NLRP5: variants seen among roughly 807,000 people sequenced by gnomAD.
NLRP5 encodes the protein NACHT, LRR and PYD domains-containing protein 5.
Under a neutral mutation model 113.1 loss-of-function variants are expected in NLRP5, and 93 were observed. The ratio of observed to expected loss-of-function variants is 0.82; its 90% CI spans 0.70 to 0.98. The LOEUF (loss-of-function observed/expected upper bound fraction) is 0.98. Ranked by LOEUF, NLRP5 falls within the 50% of genes least tolerant of loss-of-function variation. The probability of loss-of-function intolerance (pLI) is 0.00; values close to 1 mark genes in which losing one functional copy is unlikely to be tolerated. For missense variants in NLRP5, 1,808 were observed against 1,514.3 expected (o/e 1.19, Z -3.22); for synonymous variants, 751 against 600.7 (o/e 1.25, Z -3.66).
intron 12 of NLRP5, among the ~76,000 whole-genome samples, chr19:56,052,842 G>A (rs1983981065): frequency 6.6e-6 from 1 of 152,138 alleles, no homozygotes; most frequent in Admixed American, 6.5e-5. Context: ...CTCCATCTTG[G>A]CTCTGTCAGA....
rs1203071384 is a variant in NLRP5 at position 56,019,387 on chromosome 19, C to T, written c.611C>T (p.Thr204Ile). The change falls in exon 5 of 15, where the codon ACA (threonine) becomes ATA (isoleucine). Residue 204 changes from threonine (T) to isoleucine (I), a missense_variant. Thr to Ile is a moderately conservative substitution (Grantham distance 89). Transcript: ENST00000390649. The stretch of plus-strand genomic sequence containing the variant: ...CAAGAAGGTGCCACAGCAGCAGAGA[C>T]AGAAGAACAAGGTGAGGAAAATAGA... 38 of 1,613,872 alleles carry T rather than the reference C, an allele frequency of 2.4e-5. No individual in the cohort carries two copies. Among genetic ancestry groups the T allele is most frequent in the Admixed American group, 5.0e-5 (3 of 59,984 alleles).
chr19:56,056,402 TAA>T (rs1984153581), intron 13 of NLRP5, among the ~76,000 whole-genome samples: 1 of 151,888 alleles, frequency 6.6e-6, no homozygotes, highest in Non-Finnish European at 1.5e-5. Flanking sequence ...ACTAAAAATA[TAA>T]AAGTTAGCCG....
chr19:56,058,012 G>A (rs1407346093), intron 13 of NLRP5, among the ~76,000 whole-genome samples: 6 of 144,418 alleles, frequency 4.2e-5, no homozygotes, highest in African/African-American at 1.6e-4. Context: ...TGGGCAACAA[G>A]AGTGAAATGC....
chr19:56,004,876 T>C (rs1981793886), intron 2 of NLRP5, among the ~76,000 whole-genome samples: 1 of 151,834 alleles, frequency 6.6e-6, no homozygotes, highest in Non-Finnish European at 1.5e-5. Flanking sequence ...GTGGATCACC[T>C]GAGGTCAAGA....
At chr19:56,017,048 C>T (rs560734400) in intron 4 of NLRP5, among the ~76,000 whole-genome samples, 2 of 152,234 alleles carry the variant, frequency 1.3e-5, no homozygotes, top group South Asian at 4.1e-4. Context: ...ACCTCGTGAT[C>T]CGCCCGCCTC....
intron 2 of NLRP5, among the ~76,000 whole-genome samples, chr19:56,004,840 C>T (rs1981792473): frequency 6.6e-6 from 1 of 151,922 alleles, no homozygotes; most frequent in Admixed American, 6.6e-5. Flanking sequence ...TGGCTGTGAT[C>T]CCAGCACTTT....
At chr19:56,043,539 A>ATTT (rs1568498691) in intron 11 of NLRP5, among the ~76,000 whole-genome samples, 2 of 27,030 alleles carry the variant, frequency 7.4e-5, no homozygotes, top group East Asian at 2.4e-3. Context: ...TTACTCTGCT[A>ATTT]TTCTTTTTTT....
upstream of NLRP5, among the ~76,000 whole-genome samples, chr19:55,998,138 C>A (rs532595858): frequency 2.6e-5 from 4 of 152,022 alleles, 1 homozygote; most frequent in African/African-American, 9.6e-5. Context: ...AGTAGGAATT[C>A]CAAAGATTGG....
At chr19:56,013,721 T>C (rs551955994) in intron 3 of NLRP5, among the ~76,000 whole-genome samples, 3 of 150,770 alleles carry the variant, frequency 2.0e-5, no homozygotes, top group Non-Finnish European at 4.4e-5. Flanking sequence ...GTGGGTCATA[T>C]GGCAACTGTG....
intron 14 of NLRP5, among the ~76,000 whole-genome samples, chr19:56,061,066 G>C (rs1984335274): frequency 6.6e-6 from 1 of 152,188 alleles, no homozygotes; most frequent in Non-Finnish European, 1.5e-5. Context: ...TTTAGGGAGA[G>C]TTAGTATAAA....
In NLRP5 at chr19:56,027,836, G is replaced by T. The variant is rs1181609495; in HGVS notation, c.1603G>T (p.Ala535Ser). Residue 535 changes from alanine to serine, a missense_variant, in exon 7 of 15, where the codon GCT (alanine) becomes TCT (serine). Transcript: ENST00000390649. The stretch of plus-strand genomic sequence containing the variant: ...TGTCCTGAAGCGCTTCTGCCGTATG[G>T]CTGTGGAGGGAGTGTGGAATAGGAA... The T allele has an allele frequency of 6.2e-7, 1 of 1,614,008 alleles. No individual in the cohort carries two copies. Among genetic ancestry groups the T allele is most frequent in the African/African-American group, 1.3e-5 (1 of 75,048 alleles).
intron 6 of NLRP5, among the ~76,000 whole-genome samples, chr19:56,026,314 G>A (rs986699692): frequency 3.3e-5 from 5 of 151,736 alleles, no homozygotes; most frequent in Non-Finnish European, 4.4e-5. Context: ...ACATCACTAG[G>A]TCAGGAGATT....
At chr19:55,998,365 T>A (rs1981407091), upstream of NLRP5, among the ~76,000 whole-genome samples, 1 of 151,860 alleles carries the variant, frequency 6.6e-6, no homozygotes, top group South Asian at 2.1e-4. Flanking sequence ...TCTAAAAATA[T>A]ATATGAGGCC....
chr19:56,005,244 CACAT>C (rs1311064247), intron 2 of NLRP5, among the ~76,000 whole-genome samples: 2 of 138,874 alleles, frequency 1.4e-5, no homozygotes, highest in Non-Finnish European at 1.5e-5. Flanking sequence ...TATATATACA[CACAT>C]ATATATTTAT....
chr19:56,025,846 C>T (rs1378682471), intron 6 of NLRP5, among the ~76,000 whole-genome samples: 3 of 152,050 alleles, frequency 2.0e-5, no homozygotes, highest in Non-Finnish European at 4.4e-5. Context: ...TCAAGTTCCC[C>T]TCCCCCTCCC....
chr19:56,037,330 CTCCACCT>C (rs1240521671), intron 9 of NLRP5, among the ~76,000 whole-genome samples: 2 of 152,108 alleles, frequency 1.3e-5, no homozygotes, highest in Non-Finnish European at 2.9e-5. Flanking sequence ...GCAACCAGGC[CTCCACCT>C]TCATGGAGAT....
upstream of NLRP5, chr19:55,999,673 C>A: frequency 7.3e-7 from 1 of 1,369,638 alleles, no homozygotes; most frequent in Non-Finnish European, 1.0e-6. Flanking sequence ...TTTCCAGCTT[C>A]CAGAGGAGAG....
At chr19:55,995,908 G>C (rs1981309061), upstream of NLRP5, among the ~76,000 whole-genome samples, 1 of 151,684 alleles carries the variant, frequency 6.6e-6, no homozygotes, top group South Asian at 2.1e-4. Flanking sequence ...TTTTTATGTT[G>C]ATTTTTGCAT....
At chr19:55,991,002 C>T in the NLRP5 span, among the ~76,000 whole-genome samples, 54 of 152,142 alleles carry the variant, frequency 3.5e-4, no homozygotes, top group African/African-American at 1.3e-3. Context: ...AAAAAAATTC[C>T]GCTGAGCTGT....
Sources: gnomAD v4.1 joint callset for allele counts (sites outside exome capture counted in the v4.1 genomes callset) on GRCh38, gnomAD v4.1.1 for gene constraint, MANE v1.5 for transcripts, NCBI Gene and HGNC (gene_info 2026-07-23, HGNC 2026-07-21) for gene names.